TBCD: variants seen among roughly 807,000 people sequenced by gnomAD.
The protein encoded by TBCD is tubulin-specific chaperone D.
TBCD carries 105 observed loss-of-function variants against 169.3 expected under a neutral mutation model. The observed-to-expected ratio is 0.62, with a 90% CI of 0.53 to 0.73. TBCD has a LOEUF of 0.73. Among genes scored for constraint, TBCD ranks in the 30% least tolerant of loss-of-function variants. The pLI is 0.00. For missense variants in TBCD, 1,444 were observed against 1,600.1 expected (o/e 0.90, Z 1.66); for synonymous variants, 700 against 643.9 (o/e 1.09, Z -1.32).
chr17:82,829,276 GACATGC>G (rs1165698050), intron 13 of TBCD, among the ~76,000 whole-genome samples: 1 of 145,256 alleles, frequency 6.9e-6, no homozygotes, highest in East Asian at 2.1e-4. Context: ...CGCACTCGCA[GACATGC>G]ACACCCACAT....
chr17:82,906,847 C>T (rs2060285947), intron 20 of TBCD, among the ~76,000 whole-genome samples: 1 of 152,246 alleles, frequency 6.6e-6, no homozygotes, highest in Non-Finnish European at 1.5e-5. Flanking sequence ...GTGGGTGCAG[C>T]TGATGCCCGT....
chr17:82,831,452 G>A lies in TBCD; in HGVS notation c.1318+16518G>A, dbSNP rs760877375. On this transcript the variant is annotated intron_variant, in intron 13 of 38. Coordinates refer to ENST00000355528, the MANE Select transcript of TBCD (RefSeq NM_005993.5). This position sits in a 1 kb window ranked among gnomAD's most constrained non-coding sequence, Gnocchi z 4.6. Reference sequence around the variant, plus strand: ...CGGGTGAGGCCAGTGACAGGTGGGAGTCTGAGACCATAGGAGGAAAATGCA... The same window carrying A: ...CGGGTGAGGCCAGTGACAGGTGGGAATCTGAGACCATAGGAGGAAAATGCA... 6.2e-7 allele frequency: 1 copy of A among 1,614,200 alleles called. No individual in the cohort carries two copies. The highest frequency in any genetic ancestry group is 8.5e-7 in the Non-Finnish European group (1 of 1,180,030).
Position 82,915,124 on chromosome 17 carries a change from C to T in TBCD, c.2038+3335C>T, listed in dbSNP as rs919549784. 1.2e-4 allele frequency among the ~76,000 whole-genome samples: 19 copies of T among 152,090 alleles called. No individual in the cohort carries two copies. The highest frequency in any genetic ancestry group is 4.6e-4 in the African/African-American group (19 of 41,414). On this transcript the variant is annotated intron_variant, in intron 23 of 38. Coordinates refer to ENST00000355528, the MANE Select transcript of TBCD (RefSeq NM_005993.5). The surrounding 1 kb of genome is among the most constrained non-coding windows in gnomAD (Gnocchi z 4.3). Reference sequence around the variant, plus strand: ...GGTGAGAAATCTGCGGGTTCACGGGCTACATGTGGGAGACGGGGAGGGGCT... The same window carrying T: ...GGTGAGAAATCTGCGGGTTCACGGGTTACATGTGGGAGACGGGGAGGGGCT...
At chr17:82,813,933 A>AT (rs1295202650) in intron 12 of TBCD, among the ~76,000 whole-genome samples, 4 of 152,104 alleles carry the variant, frequency 2.6e-5, no homozygotes, top group African/African-American at 9.7e-5. Context: ...GCACTCTCCG[A>AT]TTTTCCTAAG....
intron 35 of TBCD, chr17:82,937,719 ACTGGGCAGGTG>A: frequency 2.8e-6 from 2 of 714,822 alleles, no homozygotes; most frequent in Non-Finnish European, 4.5e-6. Flanking sequence ...TCAGGTGGAC[ACTGGGCAGGTG>A]CGCCAGCCAG....
At chr17:82,825,277 G>A (rs927846049) in intron 13 of TBCD, among the ~76,000 whole-genome samples, 1 of 152,086 alleles carries the variant, frequency 6.6e-6, no homozygotes, top group African/African-American at 2.4e-5. Context: ...GACAACGGAG[G>A]GCTGTATTCT....
intron 4 of TBCD, among the ~76,000 whole-genome samples, 193 bp downstream of exon 4, chr17:82,766,561 C>T (rs1050645070): frequency 4.0e-5 from 6 of 151,870 alleles, no homozygotes; most frequent in African/African-American, 7.3e-5. Context: ...AAATTATTTT[C>T]GTTTAAAATA....
chr17:82,926,463 A>C lies in TBCD; in HGVS notation c.2443A>C (p.Arg815=). The C allele has an allele frequency of 6.2e-7, 1 of 1,614,028 alleles. No individual in the cohort carries two copies. The highest frequency in any genetic ancestry group is 1.1e-5 in the South Asian group (1 of 91,084). ...SPEDVSFAES[R]RDGLKAIARI... ...CGAGGACGTAAGTTTTGCTGAGTCCAGGAGAGACGGCTTGAAGGCCATTGC... is the reference window on the plus strand; with the variant it reads ...CGAGGACGTAAGTTTTGCTGAGTCCCGGAGAGACGGCTTGAAGGCCATTGC... The change falls in exon 28 of 39, where the codon AGG becomes CGG. Residue 815 remains arginine (R), a synonymous_variant. Coordinates refer to ENST00000355528, the MANE Select transcript of TBCD (RefSeq NM_005993.5).
intron 17 of TBCD, among the ~76,000 whole-genome samples, chr17:82,894,310 T>C (rs2059340891): frequency 6.6e-6 from 1 of 152,048 alleles, no homozygotes; most frequent in Non-Finnish European, 1.5e-5. Flanking sequence ...TGAAAAAGGG[T>C]GTGACTTTAT....
chr17:82,868,245 C>G (rs1206428729), intron 13 of TBCD, among the ~76,000 whole-genome samples: 3 of 152,196 alleles, frequency 2.0e-5, no homozygotes, highest in Admixed American at 1.3e-4. Flanking sequence ...GACAGCTCTT[C>G]TGTGGGCACT....
At chr17:82,786,371 G>A (rs907758991) in intron 7 of TBCD, among the ~76,000 whole-genome samples, 12 of 152,212 alleles carry the variant, frequency 7.9e-5, no homozygotes, top group African/African-American at 2.2e-4. Flanking sequence ...GCTCTGCCCC[G>A]AGTGTGGTGC....
At chr17:82,755,926 C>T (rs1300948945) in intron 1 of TBCD, among the ~76,000 whole-genome samples, 5 of 152,044 alleles carry the variant, frequency 3.3e-5, no homozygotes, top group African/African-American at 1.2e-4. Flanking sequence ...AACAGTGTGC[C>T]AAGCAAGTAA....
At chr17:82,846,181 T>C (rs974326120) in intron 13 of TBCD, among the ~76,000 whole-genome samples, 1 of 152,218 alleles carries the variant, frequency 6.6e-6, no homozygotes, top group African/African-American at 2.4e-5. Flanking sequence ...GTGTAAGCCC[T>C]GTGCCTCCCT....
At chr17:82,828,440 GCA>G (rs2053135265) in intron 13 of TBCD, among the ~76,000 whole-genome samples, 1 of 126,504 alleles carries the variant, frequency 7.9e-6, no homozygotes, top group Admixed American at 8.1e-5. Flanking sequence ...ACGTGGACAC[GCA>G]CACGATTGAA....
At position 82,915,624 on chromosome 17, in the gene TBCD, C is replaced by T. The variant is rs916533825; in HGVS notation, c.2038+3835C>T. 1.8e-4 allele frequency among the ~76,000 whole-genome samples: 28 copies of T among 152,180 alleles called. No individual in the cohort carries two copies. Among genetic ancestry groups the T allele is most frequent in the Admixed American group, 1.8e-3 (27 of 15,276 alleles). On this transcript the variant is annotated intron_variant, in intron 23 of 38. Coordinates refer to ENST00000355528, the MANE Select transcript of TBCD (RefSeq NM_005993.5). The surrounding 1 kb of genome is among the most constrained non-coding windows in gnomAD (Gnocchi z 4.3). ...CTGCGTTTTGCTCTTGAAACAATCC[C>T]CAAGTTTCAGTGTCTTAAAACCACA...
intron 1 of TBCD, 90 bp downstream of exon 1, chr17:82,752,467 C>A: frequency 9.6e-7 from 1 of 1,038,028 alleles, no homozygotes; most frequent in Non-Finnish European, 1.2e-6. Context: ...CGCAGCCCGG[C>A]GGCGCCGGCC....
chr17:82,836,780 A>G (rs2054024262), intron 13 of TBCD, among the ~76,000 whole-genome samples: 1 of 152,264 alleles, frequency 6.6e-6, no homozygotes, highest in Non-Finnish European at 1.5e-5. Flanking sequence ...AAAGCTTTAC[A>G]ACAGGCAGGT....
intron 14 of TBCD, among the ~76,000 whole-genome samples, chr17:82,882,993 C>T (rs1482881535): frequency 6.6e-6 from 1 of 152,250 alleles, no homozygotes; most frequent in Non-Finnish European, 1.5e-5. Flanking sequence ...CGGGCTGGAG[C>T]GGAGCTTGCT....
intron 38 of TBCD, 24 bp from the exon 39 acceptor site, chr17:82,942,425 G>A: frequency 6.2e-7 from 1 of 1,613,966 alleles, no homozygotes; most frequent in Non-Finnish European, 8.5e-7. Flanking sequence ...TGACCAGCCT[G>A]AGCTTGTCTT....
Sources: allele counts gnomAD v4.1 joint callset (sites outside exome capture counted in the v4.1 genomes callset), GRCh38; gene constraint gnomAD v4.1.1; non-coding constraint Gnocchi (gnomAD v3.1); transcripts MANE v1.5; gene names NCBI Gene and HGNC (gene_info 2026-07-23, HGNC 2026-07-21).